XYLT1: variants seen among roughly 807,000 people sequenced by gnomAD.
XYLT1 encodes the protein beta-D-xylosyltransferase 1.
XYLT1 carries 36 observed loss-of-function variants against 91.3 expected under a neutral mutation model. The observed-to-expected ratio is 0.39, with a 90% CI of 0.30 to 0.52. The LOEUF is 0.52. Among genes scored for constraint, XYLT1 ranks in the 20% least tolerant of loss-of-function variants. The pLI is 0.68. For missense variants in XYLT1, 1,242 were observed against 1,284.5 expected, an observed-to-expected ratio of 0.97 and a Z score of 0.51; for synonymous variants, 588 against 532.0, an observed-to-expected ratio of 1.11 and a Z score of -1.45.
intron 10 of XYLT1, among the ~76,000 whole-genome samples, chr16:17,123,657 G>C (rs1260338843): frequency 6.6e-6 from 1 of 152,104 alleles, no homozygotes; most frequent in Non-Finnish European, 1.5e-5. Context: ...GCAGTCGTTG[G>C]GTAAAATGTT....
At chr16:17,307,701 C>T (rs532815937) in intron 2 of XYLT1, among the ~76,000 whole-genome samples, 1 of 152,274 alleles carries the variant, frequency 6.6e-6, no homozygotes, top group South Asian at 2.1e-4. Context: ...TGTAACTTTG[C>T]CCCTGAATAA....
chr16:17,279,099 G>T (rs1380363430), intron 2 of XYLT1, among the ~76,000 whole-genome samples: 1 of 152,122 alleles, frequency 6.6e-6, no homozygotes, highest in Admixed American at 6.5e-5. Flanking sequence ...GTTGCTACTG[G>T]GACAGCATTT....
chr16:17,375,255 C>T (rs1162616487), intron 1 of XYLT1, among the ~76,000 whole-genome samples: 1 of 152,090 alleles, frequency 6.6e-6, no homozygotes, highest in African/African-American at 2.4e-5. Context: ...TTAATCCTCG[C>T]AACATCTCTA....
At chr16:17,157,879 G>A (rs538057371) in intron 6 of XYLT1, among the ~76,000 whole-genome samples, 17 of 152,316 alleles carry the variant, frequency 1.1e-4, no homozygotes, top group Middle Eastern at 6.8e-3. Flanking sequence ...CTCCTGAGTA[G>A]CTGGAATTAC....
chr16:17,155,025 C>T (rs542200805), intron 6 of XYLT1, among the ~76,000 whole-genome samples: 1 of 152,312 alleles, frequency 6.6e-6, no homozygotes, highest in South Asian at 2.1e-4. Flanking sequence ...GAGACTTTCT[C>T]ATGCAACCCC....
At chr16:17,304,026 T>C (rs776108595) in intron 2 of XYLT1, among the ~76,000 whole-genome samples, 6 of 152,062 alleles carry the variant, frequency 3.9e-5, no homozygotes, top group Non-Finnish European at 8.8e-5. Context: ...TACAGGTGCA[T>C]GCAGATATAT....
intron 2 of XYLT1, among the ~76,000 whole-genome samples, chr16:17,327,657 C>T (rs934812543): frequency 3.4e-5 from 5 of 145,736 alleles, no homozygotes; most frequent in African/African-American, 1.0e-4. Context: ...GCTGGGATTA[C>T]AGGTGTGAGC....
intron 1 of XYLT1, among the ~76,000 whole-genome samples, chr16:17,441,290 A>G (rs147556176): frequency 4.2e-4 from 64 of 152,324 alleles, no homozygotes; most frequent in African/African-American, 1.5e-3. Context: ...GACCTTTATG[A>G]TAAATCCAGC....
intron 2 of XYLT1, among the ~76,000 whole-genome samples, chr16:17,354,038 A>G (rs2035259176): frequency 6.6e-6 from 1 of 152,220 alleles, no homozygotes; most frequent in African/African-American, 2.4e-5. Flanking sequence ...TTCTTGGCAA[A>G]TGGTAAATGT....
intron 6 of XYLT1, among the ~76,000 whole-genome samples, chr16:17,149,576 C>T (rs745845237): frequency 6.6e-6 from 1 of 152,134 alleles, no homozygotes; most frequent in Non-Finnish European, 1.5e-5. Context: ...ATCATATAGA[C>T]CCACAATGCA....
chr16:17,136,599 C>A lies in XYLT1; in HGVS notation c.1764+1756G>T, dbSNP rs189677257. Among the ~76,000 whole-genome samples, 8 of 152,114 alleles carry A rather than the reference C, an allele frequency of 5.3e-5. No homozygotes were observed. In the East Asian group the frequency reaches 1.5e-3, roughly 29 times the overall value. The stretch of plus-strand genomic sequence containing the variant: ...GCTCTTTGATTATTATCACCAGCCC[C>A]TTGTTACCAGGAACCCATCTAGGGG... On this transcript the variant is annotated intron_variant, in intron 8 of 11. Coordinates refer to ENST00000261381, the MANE Select transcript of XYLT1 (RefSeq NM_022166.4).
intron 1 of XYLT1, among the ~76,000 whole-genome samples, chr16:17,410,160 TC>T (rs942753620): frequency 6.4e-4 from 97 of 152,266 alleles, no homozygotes; most frequent in African/African-American, 2.2e-3. Context: ...CAGGCTAGTT[TC>T]CCCACATAAC....
chr16:17,112,163 G>A lies in XYLT1; in HGVS notation c.2558-3146C>T, dbSNP rs1442097763. Among the ~76,000 whole-genome samples the A allele has an allele frequency of 5.9e-5, 9 of 152,248 alleles. No individual in the cohort carries two copies. The East Asian group carries it at 1.3e-3, about 23-fold the overall frequency. Reference sequence around the variant, plus strand: ...GAGAAATGAGGTTAATGTGGGAAACGCTATTACAATATTAGCTTGCGATGC... The same window carrying A: ...GAGAAATGAGGTTAATGTGGGAAACACTATTACAATATTAGCTTGCGATGC... On this transcript the variant is annotated intron_variant, in intron 11 of 11. Coordinates refer to ENST00000261381, the MANE Select transcript of XYLT1 (RefSeq NM_022166.4).
chr16:17,359,435 T>C (rs1284422833), intron 1 of XYLT1, among the ~76,000 whole-genome samples: 1 of 152,180 alleles, frequency 6.6e-6, no homozygotes, highest in African/African-American at 2.4e-5. Context: ...ATCTTTGTAA[T>C]GATGCCCAAT....
intron 3 of XYLT1, among the ~76,000 whole-genome samples, chr16:17,239,576 A>G (rs1596442436): frequency 6.9e-6 from 1 of 145,414 alleles, no homozygotes; most frequent in African/African-American, 2.6e-5. Context: ...CCATCCATCC[A>G]TCCACTCACC....
chr16:17,379,311 T>G (rs746894622), intron 1 of XYLT1, among the ~76,000 whole-genome samples: 1 of 152,224 alleles, frequency 6.6e-6, no homozygotes, highest in African/African-American at 2.4e-5. Flanking sequence ...TGGCAGCAGC[T>G]TCTCCAAAAC....
chr16:17,329,101 G>A (rs1406263203), intron 2 of XYLT1, among the ~76,000 whole-genome samples: 3 of 152,136 alleles, frequency 2.0e-5, no homozygotes, highest in Non-Finnish European at 4.4e-5. Flanking sequence ...CTCTCACAAC[G>A]GCTCAGCTCT....
intron 2 of XYLT1, among the ~76,000 whole-genome samples, chr16:17,344,222 C>G (rs951820991): frequency 5.3e-5 from 8 of 151,774 alleles, no homozygotes; most frequent in African/African-American, 1.7e-4. Context: ...AGGCCGGGTG[C>G]CTGTAATCCC....
At chr16:17,240,826 T>C (rs1432785240) in intron 3 of XYLT1, among the ~76,000 whole-genome samples, 1 of 152,232 alleles carries the variant, frequency 6.6e-6, no homozygotes, top group Non-Finnish European at 1.5e-5. Context: ...GATACTATCA[T>C]TAGCCCCATT....
Sources: allele counts gnomAD v4.1 joint callset (sites outside exome capture counted in the v4.1 genomes callset), GRCh38; gene constraint gnomAD v4.1.1; transcripts MANE v1.5; gene names NCBI Gene and HGNC (gene_info 2026-07-23, HGNC 2026-07-21).